LAMB4: variants seen among roughly 807,000 people sequenced by gnomAD.
LAMB4 encodes the protein laminin subunit beta 4, also known as laminin subunit beta-4.
Under a neutral mutation model 199.2 loss-of-function variants are expected in LAMB4, and 196 were observed. The ratio of observed to expected loss-of-function variants is 0.98; its 90% confidence interval spans 0.88 to 1.11. LAMB4 has a LOEUF of 1.11. LAMB4 is among the 50% of genes least tolerant of loss of function. The pLI, the probability that LAMB4 is intolerant of heterozygous loss-of-function variation, is 0.00. For missense variants in LAMB4, 2,080 were observed against 2,171.2 expected (o/e 0.96, Z 0.83); for synonymous variants, 744 against 770.6 (o/e 0.97, Z 0.57).
At chr7:108,115,266 T>C (rs893253247) in intron 3 of LAMB4, among the ~76,000 whole-genome samples, 55 of 152,346 alleles carry the variant, frequency 3.6e-4, no homozygotes, top group Admixed American at 2.2e-3. Flanking sequence ...TCAGTTAAGG[T>C]TTCCTGGACT....
chr7:108,113,550 G>A (rs1280436597), intron 3 of LAMB4, among the ~76,000 whole-genome samples: 2 of 152,108 alleles, frequency 1.3e-5, no homozygotes, highest in African/African-American at 2.4e-5. Flanking sequence ...TTTGCATAGG[G>A]GTAGGCCCAT....
intron 28 of LAMB4, among the ~76,000 whole-genome samples, chr7:108,046,089 C>T (rs562453905): frequency 7.9e-5 from 12 of 151,708 alleles, no homozygotes; most frequent in Admixed American, 2.0e-4. Flanking sequence ...TTGTTTTAAA[C>T]GAGGTCTCAC....
At chr7:108,102,594 T>G (rs1026268922) in intron 10 of LAMB4, among the ~76,000 whole-genome samples, 2 of 152,206 alleles carry the variant, frequency 1.3e-5, no homozygotes, top group African/African-American at 4.8e-5. Context: ...TATTCCCTAT[T>G]ATTTTGTACA....
intron 19 of LAMB4, among the ~76,000 whole-genome samples, chr7:108,067,790 C>T (rs2036393016): frequency 6.6e-6 from 1 of 152,216 alleles, no homozygotes; most frequent in Admixed American, 6.5e-5. Flanking sequence ...TTGTTCATTA[C>T]TCTCGGTTCC....
chr7:108,105,609 A>C (rs961846493), intron 8 of LAMB4, among the ~76,000 whole-genome samples: 1 of 152,210 alleles, frequency 6.6e-6, no homozygotes, highest in African/African-American at 2.4e-5. Flanking sequence ...AATGATGTCC[A>C]TATGCTGCAG....
At chr7:108,018,270 T>C in the LAMB4 span, among the ~76,000 whole-genome samples, 2 of 152,218 alleles carry the variant, frequency 1.3e-5, no homozygotes, top group African/African-American at 4.8e-5. Context: ...TCTCTGTGCC[T>C]GTGGAGGCTG....
At position 108,078,052 on chromosome 7, in the gene LAMB4, G is replaced by A. The variant is rs994725407; in HGVS notation, c.2003+149C>T. 2.1e-5 allele frequency: 13 copies of A among 609,696 alleles called. No homozygotes were observed. The Admixed American group carries it at 3.1e-4, about 14-fold the overall frequency. The allele number at this position is 609,696 out of a possible 1,614,324, so 37.8% of individuals were successfully genotyped here. A position where few individuals can be genotyped will look rare whatever the true frequency, so the allele number is the denominator to read the frequency against. On this transcript the variant is annotated intron_variant, in intron 16 of 33. Transcript: ENST00000388781. ...GATTAAAAGTGATATTAAATGTAAAGCATAGTGCAGCACCCAGTAAGTGCT... is the reference window on the plus strand; with the variant it reads ...GATTAAAAGTGATATTAAATGTAAAACATAGTGCAGCACCCAGTAAGTGCT...
downstream of LAMB4, among the ~76,000 whole-genome samples, chr7:108,018,791 G>T (rs1437128776): frequency 2.0e-5 from 3 of 152,132 alleles, no homozygotes; most frequent in African/African-American, 4.8e-5. Flanking sequence ...TCAAACCAAG[G>T]GTGGGGATGT....
chr7:108,095,867 C>A (rs936403822), intron 11 of LAMB4, among the ~76,000 whole-genome samples: 1 of 152,204 alleles, frequency 6.6e-6, no homozygotes, highest in African/African-American at 2.4e-5. Context: ...AAGGAATACA[C>A]TTGCAGCAAA....
chr7:108,035,097 C>T (rs991831522), intron 30 of LAMB4, among the ~76,000 whole-genome samples: 1 of 152,162 alleles, frequency 6.6e-6, no homozygotes, highest in Non-Finnish European at 1.5e-5. Flanking sequence ...CTCTGTTTCC[C>T]TTTCTAACCT....
intron 14 of LAMB4, among the ~76,000 whole-genome samples, chr7:108,082,753 GC>G (rs1354286200): frequency 2.6e-5 from 4 of 152,242 alleles, no homozygotes; most frequent in South Asian, 4.2e-4. Flanking sequence ...TGAGCCCCCT[GC>G]CCCACACCCA....
chr7:108,091,383 T>C (rs779222519), intron 14 of LAMB4, among the ~76,000 whole-genome samples: 16 of 152,156 alleles, frequency 1.1e-4, no homozygotes, highest in Non-Finnish European at 1.9e-4. Context: ...CATAATTTGA[T>C]CCGTTCACAT....
At chr7:108,026,907 G>A (rs1478065041) in intron 33 of LAMB4, 4 of 517,626 alleles carry the variant, frequency 7.7e-6, no homozygotes, top group South Asian at 5.6e-5. Context: ...GCTGAGTTCT[G>A]AAAACAGCCT....
At chr7:108,072,408 G>A (rs1019754106) in intron 17 of LAMB4, among the ~76,000 whole-genome samples, 1 of 151,994 alleles carries the variant, frequency 6.6e-6, no homozygotes, top group African/African-American at 2.4e-5. Flanking sequence ...ATTAATATTA[G>A]CATATTACAT....
At chr7:108,029,279 A>T (rs1301461317) in intron 32 of LAMB4, 83 bp from the exon 33 acceptor site, 2 of 1,240,492 alleles carry the variant, frequency 1.6e-6, no homozygotes, top group Non-Finnish European at 2.2e-6. Context: ...AATTCCATTC[A>T]TAGAAGGAAT....
chr7:108,013,718 G>T, the LAMB4 span, among the ~76,000 whole-genome samples: 1 of 152,130 alleles, frequency 6.6e-6, no homozygotes, highest in South Asian at 2.1e-4. Context: ...ACATAACTTT[G>T]ATTTTGATTG....
In LAMB4 at chr7:108,077,187, G is replaced by T. The variant is rs1311724055; in HGVS notation, c.2004-123C>A. The T allele has an allele frequency of 8.6e-6, 8 of 930,496 alleles. No homozygotes were observed. In the East Asian group the frequency reaches 1.6e-4, roughly 18 times the overall value. The allele number at this position is 930,496 out of a possible 1,614,324, so 57.6% of individuals were successfully genotyped here. A position where few individuals can be genotyped will look rare whatever the true frequency, so the allele number is the denominator to read the frequency against. On this transcript the variant is annotated intron_variant, in intron 16 of 33. Coordinates refer to ENST00000388781, the MANE Select transcript of LAMB4 (RefSeq NM_007356.3). ...CAGTGACCTCCACTGTGGGGCTGAG[G>T]CCAGTGTAGGTCTAGACCAGCACAG...
intron 25 of LAMB4, among the ~76,000 whole-genome samples, chr7:108,052,552 C>T (rs1219100657): frequency 3.3e-5 from 5 of 152,278 alleles, no homozygotes; most frequent in African/African-American, 9.6e-5. Flanking sequence ...TGTCTTTCTT[C>T]GTTTTGGGTT....
rs773392662 is a variant in LAMB4, at chr7:108,055,762, T to C, written c.3625A>G (p.Thr1209Ala). 2.5e-6 allele frequency: 4 copies of C among 1,614,090 alleles called. No homozygotes were observed. The East Asian group carries it at 8.9e-5, about 36-fold the overall frequency. Residue 1209 changes from threonine to alanine, a missense_variant, in exon 25 of 34, where the codon ACC (threonine) becomes GCC (alanine). By Grantham distance (58) the Thr-to-Ala change is moderately conservative. Transcript: ENST00000388781. ...LAANMEDKRE[T>A]LPVCEADFKD... ...AAGTCTGCCTCACAGACAGGCAGGG[T>C]CTCTCTTTTATCTTCCATGTTAGCA...
Sources: allele counts gnomAD v4.1 joint callset (sites outside exome capture counted in the v4.1 genomes callset), GRCh38; gene constraint gnomAD v4.1.1; transcripts MANE v1.5; gene names NCBI Gene and HGNC (gene_info 2026-07-23, HGNC 2026-07-21).